Variants in CD109 observed in about 807,000 individuals in gnomAD.
The protein encoded by CD109 is CD109 antigen.
A neutral mutation model predicts 165.8 loss-of-function variants in CD109; 149 were observed. That is an observed-to-expected ratio of 0.90 (90% CI 0.79 to 1.03). CD109 has a LOEUF of 1.03. Among genes scored for constraint, CD109 ranks in the 50% least tolerant of loss-of-function variants. CD109 has a pLI of 0.00. For missense variants in CD109, 1,712 were observed against 1,677.8 expected (o/e 1.02, Z -0.36); for synonymous variants, 585 against 592.1 (o/e 0.99, Z 0.18).
rs139914211 is a variant in CD109, at chr6:73,803,556, A to G, written c.2960+255A>G. On this transcript the variant is annotated intron_variant, in intron 24 of 32. Coordinates refer to ENST00000287097, the MANE Select transcript of CD109 (RefSeq NM_133493.5). Reference sequence around the variant, plus strand: ...GTGTGTGTGTGTGGAAGAAACAGAAATAAAAATACTTTATGATGATGGTGC... The same window carrying G: ...GTGTGTGTGTGTGGAAGAAACAGAAGTAAAAATACTTTATGATGATGGTGC... Among the ~76,000 whole-genome samples the G allele has an allele frequency of 5.6e-4, 85 of 152,156 alleles. 1 individual carries two copies. Among genetic ancestry groups the G allele is most frequent in the African/African-American group, 2.0e-3 (82 of 41,518 alleles).
Position 73,815,090 on chromosome 6 carries a change from A to C in CD109, c.3878A>C (p.Asp1293Ala). Residue 1293 changes from aspartate to alanine, a missense_variant, in exon 30 of 33, where the codon GAT (aspartate) becomes GCT (alanine). By Grantham distance (126) the Asp-to-Ala change is moderately radical. Coordinates refer to ENST00000287097, the MANE Select transcript of CD109 (RefSeq NM_133493.5). The stretch of plus-strand genomic sequence containing the variant: ...GTTGCTGTAAAAGAAAATAAAGATG[A>C]TCTCAATCATGTGGATTTGAATGTG... ...LDVAVKENKDDLNHVDLNVCT... is the reference protein window; with the variant it reads ...LDVAVKENKDALNHVDLNVCT... The C allele has an allele frequency of 6.3e-7, 1 of 1,587,946 alleles. No individual in the cohort carries two copies. The highest frequency in any genetic ancestry group is 2.3e-5 in the East Asian group (1 of 43,588).
chr6:73,726,361 A>G (rs1260467968), intron 3 of CD109, among the ~76,000 whole-genome samples: 1 of 152,228 alleles, frequency 6.6e-6, no homozygotes, highest in African/African-American at 2.4e-5. Flanking sequence ...TATGGCAGAA[A>G]AACTTCTTTT....
In CD109 at chr6:73,771,485, G is replaced by C. The variant is rs1480182036; in HGVS notation, c.1731G>C (p.Arg577Ser). Residue 577 changes from arginine to serine, a missense_variant, in exon 15 of 33, where the codon AGG (arginine) becomes AGC (serine). Coordinates refer to ENST00000287097, the MANE Select transcript of CD109 (RefSeq NM_133493.5). ...AACCATCTGAGAAAGTCTCTCTTAG[G>C]ATCTCTGTGACACAGCCTGACTCCA... ...KAEPSEKVSL[R>S]ISVTQPDSIV... 1 of 1,610,510 alleles carries C rather than the reference G, an allele frequency of 6.2e-7. No homozygotes were observed. The highest frequency in any genetic ancestry group is 8.5e-7 in the Non-Finnish European group (1 of 1,178,616).
chr6:73,800,423 T>C (rs938430109), intron 23 of CD109, among the ~76,000 whole-genome samples: 1 of 152,202 alleles, frequency 6.6e-6, no homozygotes, highest in Non-Finnish European at 1.5e-5. Flanking sequence ...CTTCTGCGTA[T>C]ATATTTTTGT....
chr6:73,682,301 T>C, the CD109 span, among the ~76,000 whole-genome samples: 72 of 152,214 alleles, frequency 4.7e-4, no homozygotes, highest in African/African-American at 1.5e-3. Flanking sequence ...CCATTCCAAA[T>C]TGGAGAAATT....
At chr6:73,809,863 A>G in intron 26 of CD109, 121 bp from the exon 27 acceptor site, 2 of 658,708 alleles carry the variant, frequency 3.0e-6, no homozygotes, top group Non-Finnish European at 2.5e-6. Context: ...AAATACATGT[A>G]TACAAGTATA....
chr6:73,728,294 A>G (rs1454079442), intron 3 of CD109, among the ~76,000 whole-genome samples: 1 of 152,160 alleles, frequency 6.6e-6, no homozygotes, highest in African/African-American at 2.4e-5. Context: ...TGGGCAACAG[A>G]GCAAGAGTTC....
intron 22 of CD109, among the ~76,000 whole-genome samples, chr6:73,790,845 A>G (rs917372148): frequency 6.6e-6 from 1 of 152,008 alleles, no homozygotes; most frequent in Non-Finnish European, 1.5e-5. Flanking sequence ...ACCCTCACAG[A>G]CACTCAGAAG....
chr6:73,690,684 G>A, the CD109 span, among the ~76,000 whole-genome samples: 1 of 152,332 alleles, frequency 6.6e-6, no homozygotes, highest in Non-Finnish European at 1.5e-5. Flanking sequence ...ACAGGCGTGA[G>A]CCACCGTGCC....
rs1250633050 is a variant in CD109 at position 73,718,305 on chromosome 6, G to A, written c.248-4946G>A. The stretch of plus-strand genomic sequence containing the variant: ...ACTATGTTGAGTAACAGTGGTGAAA[G>A]TGGGCATTCTTGTCGTCTTCCTGAT... On this transcript the variant is annotated intron_variant, in intron 2 of 32. Coordinates refer to ENST00000287097, the MANE Select transcript of CD109 (RefSeq NM_133493.5). Among the ~76,000 whole-genome samples the A allele has an allele frequency of 5.5e-4, 84 of 152,082 alleles. 1 individual carries two copies. Among genetic ancestry groups the A allele is most frequent in the Admixed American group, 5.5e-3 (84 of 15,268 alleles).
At chr6:73,716,333 T>C (rs1465961272) in intron 2 of CD109, among the ~76,000 whole-genome samples, 2 of 152,224 alleles carry the variant, frequency 1.3e-5, no homozygotes, top group African/African-American at 2.4e-5. Flanking sequence ...GCTCTATTTT[T>C]AGTTTTATGA....
At chr6:73,789,643 G>A (rs1774842438) in intron 22 of CD109, among the ~76,000 whole-genome samples, 1 of 150,892 alleles carries the variant, frequency 6.6e-6, no homozygotes, top group South Asian at 2.1e-4. Context: ...GTATTTTTTA[G>A]TAGAGATGGG....
intron 2 of CD109, among the ~76,000 whole-genome samples, chr6:73,705,934 C>T (rs952942806): frequency 3.9e-5 from 6 of 152,014 alleles, no homozygotes; most frequent in Non-Finnish European, 4.4e-5. Flanking sequence ...GAGAGGTGGA[C>T]GGTCTCTCAA....
Position 73,762,899 on chromosome 6 carries a change from G to A in CD109, c.997+17G>A, listed in dbSNP as rs763914864. On this transcript the variant is annotated intron_variant, in intron 9 of 32. Transcript: ENST00000287097. ...CAGTTACAGGTTTGTAGACTTTAAA[G>A]TGGAGGTAAAACTATTCATGTGACA... The A allele has an allele frequency of 3.1e-6, 5 of 1,592,256 alleles. No individual in the cohort carries two copies. In the Admixed American group the frequency reaches 9.2e-5, roughly 29 times the overall value.
the CD109 span, among the ~76,000 whole-genome samples, chr6:73,681,238 A>G: frequency 1.3e-5 from 2 of 152,082 alleles, no homozygotes; most frequent in African/African-American, 4.8e-5. Context: ...ACAATGTGAT[A>G]TATGTGATGT....
upstream of CD109, among the ~76,000 whole-genome samples, chr6:73,693,203 A>G (rs1770718462): frequency 6.6e-6 from 1 of 152,146 alleles, no homozygotes; most frequent in Non-Finnish European, 1.5e-5. Flanking sequence ...TTCAAGAAGC[A>G]TGACATTGGC....
chr6:73,727,645 T>C (rs1001085997), intron 3 of CD109, among the ~76,000 whole-genome samples: 2 of 152,194 alleles, frequency 1.3e-5, no homozygotes, highest in African/African-American at 2.4e-5. Flanking sequence ...TTAATAGGCT[T>C]CTTTAGCTCT....
At chr6:73,794,985 C>T (rs978341739) in intron 23 of CD109, among the ~76,000 whole-genome samples, 3 of 150,790 alleles carry the variant, frequency 2.0e-5, no homozygotes, top group African/African-American at 7.3e-5. Flanking sequence ...ATATTGTGTG[C>T]CATGCTAAAC....
In CD109 at chr6:73,762,803, A is replaced by G. The variant is rs975227334; in HGVS notation, c.918A>G (p.Ser306=). 3 of 1,611,154 alleles carry G rather than the reference A, an allele frequency of 1.9e-6. No homozygotes were observed. Among genetic ancestry groups the G allele is most frequent in the African/African-American group, 1.3e-5 (1 of 74,904 alleles). The change falls in exon 9 of 33, where the codon TCA becomes TCG. Residue 306 remains serine (S), a synonymous_variant. Transcript: ENST00000287097. The part of the protein sequence containing the change: ...DEEMKNVMDS[S]NGLSEYLDLS... ...AGATGAAAAATGTAATGGATTCTTCAAATGGACTTTCTGAATACCTGGATC... is the reference window on the plus strand; with the variant it reads ...AGATGAAAAATGTAATGGATTCTTCGAATGGACTTTCTGAATACCTGGATC...
Sources: allele counts gnomAD v4.1 joint callset (sites outside exome capture counted in the v4.1 genomes callset), GRCh38; gene constraint gnomAD v4.1.1; transcripts MANE v1.5; gene names NCBI Gene and HGNC (gene_info 2026-07-23, HGNC 2026-07-21).